CELF5: variants seen among roughly 807,000 people sequenced by gnomAD.
The protein encoded by CELF5 is CUGBP Elav-like family member 5.
A neutral mutation model predicts 54.9 loss-of-function variants in CELF5; 6 were observed. That is an observed-to-expected ratio of 0.11 (90% CI 0.06 to 0.22). CELF5 has a LOEUF of 0.22. Among genes scored for constraint, CELF5 ranks in the 10% least tolerant of loss-of-function variants. The pLI, the probability that CELF5 is intolerant of heterozygous loss-of-function variation, is 1.00. For missense variants in CELF5, 401 were observed against 678.6 expected (o/e 0.59, Z 4.54); for synonymous variants, 271 against 290.9 (o/e 0.93, Z 0.70).
At chr19:3,287,853 A>G (rs2080280060) in intron 10 of CELF5, among the ~76,000 whole-genome samples, 1 of 152,236 alleles carries the variant, frequency 6.6e-6, no homozygotes, top group Non-Finnish European at 1.5e-5. Context: ...TGTTTTCTCC[A>G]TGTTATGTGG....
chr19:3,245,425 T>C (rs80296993), intron 1 of CELF5, among the ~76,000 whole-genome samples: 1 of 151,544 alleles, frequency 6.6e-6, no homozygotes, highest in Non-Finnish European at 1.5e-5. Context: ...GTGTGGTGTG[T>C]GTGTGTGTGG....
chr19:3,274,023 C>T (rs759644754), intron 3 of CELF5, 100 bp downstream of exon 3: 49 of 1,242,714 alleles, frequency 3.9e-5, no homozygotes, highest in East Asian at 3.6e-4. Flanking sequence ...GGGCAGTGGC[C>T]GAGGCCTGTG....
intron 2 of CELF5, among the ~76,000 whole-genome samples, chr19:3,256,064 C>CAAAAAAAAAAAAAAAAAAAAA (rs1555720976): frequency 8.6e-5 from 12 of 139,578 alleles, no homozygotes; most frequent in African/African-American, 2.7e-4. Flanking sequence ...GACCCTGTCT[C>CAAAAAAAAAAAAAAAAAAAAA]AAAAAAAAAG....
chr19:3,257,385 A>G (rs954737977), intron 2 of CELF5, among the ~76,000 whole-genome samples: 5 of 152,176 alleles, frequency 3.3e-5, no homozygotes, highest in African/African-American at 1.2e-4. Flanking sequence ...AGCAGCTTGA[A>G]TTTTGTTCCA....
chr19:3,266,424 A>G (rs1213896448), intron 2 of CELF5, among the ~76,000 whole-genome samples: 1 of 151,538 alleles, frequency 6.6e-6, no homozygotes, highest in Non-Finnish European at 1.5e-5. Flanking sequence ...CCCAGTACAA[A>G]CAAAAAAAAA....
At chr19:3,226,440 T>TCACACACACACACACCACACACACA (rs1916917291) in intron 1 of CELF5, among the ~76,000 whole-genome samples, 2 of 118,876 alleles carry the variant, frequency 1.7e-5, no homozygotes, top group Non-Finnish European at 3.4e-5. Flanking sequence ...AAACCAACCA[T>TCACACACACACACACCACACACACA]CACACACACA....
At chr19:3,270,128 C>A (rs962189699) in intron 2 of CELF5, among the ~76,000 whole-genome samples, 1 of 152,034 alleles carries the variant, frequency 6.6e-6, no homozygotes, top group Non-Finnish European at 1.5e-5. Flanking sequence ...ACCCTCAGCT[C>A]TCCCAGCTCC....
chr19:3,272,477 C>T (rs1431335335), intron 2 of CELF5, among the ~76,000 whole-genome samples: 1 of 152,212 alleles, frequency 6.6e-6, no homozygotes, highest in Non-Finnish European at 1.5e-5. Context: ...CACTTTGGAA[C>T]CCATAGGACT....
rs369079937 is a variant in CELF5 at position 3,238,056 on chromosome 19, A to AT, written c.260-12929_260-12928insT. Among the ~76,000 whole-genome samples the AT allele has an allele frequency of 2.3e-3, 340 of 150,050 alleles. 3 individuals carry two copies. Among genetic ancestry groups the AT allele is most frequent in the African/African-American group, 7.4e-3 (299 of 40,680 alleles). On this transcript the variant is annotated intron_variant, in intron 1 of 12. Coordinates refer to ENST00000292672, the MANE Select transcript of CELF5 (RefSeq NM_021938.4). ...AGAGAGAGGCTCTGTCTCAAAAAAA[A>AT]GAGAATATCTAACTTGGCCGGGCGC...
intron 8 of CELF5, among the ~76,000 whole-genome samples, chr19:3,283,828 A>T (rs1005137722): frequency 6.7e-6 from 1 of 149,630 alleles, no homozygotes; most frequent in Non-Finnish European, 1.5e-5. Context: ...AAATTTCACC[A>T]TTTATTTATT....
chr19:3,272,365 C>CA, intron 2 of CELF5, among the ~76,000 whole-genome samples: 2 of 146,384 alleles, frequency 1.4e-5, no homozygotes, highest in African/African-American at 2.5e-5. Flanking sequence ...GAGAGTCCGT[C>CA]CCAAGAAAAA....
chr19:3,261,968 G>A (rs1054470985), intron 2 of CELF5, among the ~76,000 whole-genome samples: 3 of 152,152 alleles, frequency 2.0e-5, no homozygotes, highest in Non-Finnish European at 4.4e-5. Context: ...CACTAGCTCC[G>A]TGAGGCTGTT....
At position 3,240,296 on chromosome 19, in the gene CELF5, C is replaced by T. The variant is rs1159212207; in HGVS notation, c.260-10689C>T. Among the ~76,000 whole-genome samples the T allele has an allele frequency of 2.0e-5, 3 of 151,916 alleles. No individual in the cohort carries two copies. The East Asian group carries it at 5.8e-4, about 29-fold the overall frequency. ...CCTCCCAAAGTGCTGGTATTACAGG[C>T]ATGAGCCACTGCACCTGGCCCTTCT... On this transcript the variant is annotated intron_variant, in intron 1 of 12. Coordinates refer to ENST00000292672, the MANE Select transcript of CELF5 (RefSeq NM_021938.4).
chr19:3,274,038 T>C, intron 3 of CELF5, 115 bp downstream of exon 3: 2 of 1,037,678 alleles, frequency 1.9e-6, no homozygotes, highest in Non-Finnish European at 2.9e-6. Context: ...CCTGTGGATC[T>C]GGAACTGGCC....
At chr19:3,252,194 A>T (rs192153877) in intron 2 of CELF5, among the ~76,000 whole-genome samples, 1 of 151,948 alleles carries the variant, frequency 6.6e-6, no homozygotes, top group Non-Finnish European at 1.5e-5. Flanking sequence ...ATGCCATCAC[A>T]CGTGGCTAAT....
At chr19:3,247,917 A>G (rs1292984755) in intron 1 of CELF5, among the ~76,000 whole-genome samples, 1 of 151,646 alleles carries the variant, frequency 6.6e-6, no homozygotes, top group Non-Finnish European at 1.5e-5. Context: ...TCCCACCACC[A>G]CACCTGGCTA....
chr19:3,287,034 CAAAAA>C (rs55661552), intron 10 of CELF5, among the ~76,000 whole-genome samples: 1,865 of 103,530 alleles, frequency 0.018, 47 homozygotes, highest in African/African-American at 0.067. Flanking sequence ...GACTCCGTCT[CAAAAA>C]AAAAAAAAAA....
chr19:3,246,997 G>A (rs1041133916), intron 1 of CELF5, among the ~76,000 whole-genome samples: 33 of 152,200 alleles, frequency 2.2e-4, no homozygotes, highest in African/African-American at 7.5e-4. Context: ...ACATTGATAC[G>A]TGATGCGCAC....
At position 3,296,889 on chromosome 19, in the gene CELF5, T is replaced by C. The variant is rs1338496067; in HGVS notation, c.*172T>C. 1 of 152,134 alleles carries C rather than the reference T, an allele frequency of 6.6e-6. No homozygotes were observed. Among genetic ancestry groups the C allele is most frequent in the African/African-American group, 2.4e-5 (1 of 41,426 alleles). The allele number at this position is 152,134 out of a possible 1,614,324, so 9.4% of individuals were successfully genotyped here. The stretch of plus-strand genomic sequence containing the variant: ...AAGCAAAGAACTTGGAACTTTGGGT[T>C]GACTCGGTTTGAGTTTTGTGTCAAA... On this transcript the variant is annotated 3_prime_UTR_variant, in exon 13 of 13. Coordinates refer to ENST00000292672, the MANE Select transcript of CELF5 (RefSeq NM_021938.4).
Sources: gnomAD v4.1 joint callset for allele counts (sites outside exome capture counted in the v4.1 genomes callset) on GRCh38, gnomAD v4.1.1 for gene constraint, MANE v1.5 for transcripts, NCBI Gene and HGNC (gene_info 2026-07-23, HGNC 2026-07-21) for gene names.